Variants in SPEF2 observed in about 807,000 individuals in gnomAD.
SPEF2 encodes sperm flagella and cilia-associated protein 2.
Under a neutral mutation model 224.6 loss-of-function variants are expected in SPEF2, and 187 were observed. The ratio of observed to expected loss-of-function variants is 0.83; its 90% CI spans 0.74 to 0.94. The LOEUF is 0.94. SPEF2 is among the 40% of genes least tolerant of loss of function. The probability of loss-of-function intolerance (pLI) is 0.00; values close to 1 mark genes in which losing one functional copy is unlikely to be tolerated. For synonymous variants in SPEF2, 715 were observed against 707.3 expected (o/e 1.01, Z -0.17); for missense variants, 2,170 against 2,135.6 (o/e 1.02, Z -0.32).
At chr5:35,759,471 A>T in intron 24 of SPEF2, 97 bp from the exon 25 acceptor site, 2 of 1,078,158 alleles carry the variant, frequency 1.9e-6, no homozygotes, top group Middle Eastern at 2.3e-4. Context: ...TTCAATCTAA[A>T]TGTTTTCAAA....
At chr5:35,792,491 A>T in intron 31 of SPEF2, 45 bp downstream of exon 31, 1 of 1,477,868 alleles carries the variant, frequency 6.8e-7, no homozygotes, top group Non-Finnish European at 9.4e-7. Context: ...AAGCATTCTT[A>T]TTTGATCAAT....
At position 35,691,053 on chromosome 5, in the gene SPEF2, G is replaced by A. The variant is rs1035391945; in HGVS notation, c.1541G>A (p.Trp514Ter). 2 of 1,613,458 alleles carry A rather than the reference G, an allele frequency of 1.2e-6. No homozygotes were observed. The highest frequency in any genetic ancestry group is 2.7e-5 in the African/African-American group (2 of 74,846). Residue 514 changes from tryptophan to a stop codon, truncating the protein, a stop_gained, in exon 11 of 37, where the codon TGG (tryptophan) becomes TAG (stop). Coordinates refer to ENST00000356031, the MANE Select transcript of SPEF2 (RefSeq NM_024867.4). LOFTEE classifies it high-confidence loss of function. ...TTTTTACAGAACATGGTTGGAGAGT[G>A]GGCCTTACCAGAAGAAATGGTTGAC... ...YEEYKNMVGE[W>*]ALPEEMVDNL...
chr5:35,772,470 G>C (rs1224329788), intron 27 of SPEF2, among the ~76,000 whole-genome samples: 2 of 152,158 alleles, frequency 1.3e-5, no homozygotes, highest in Admixed American at 6.5e-5. Context: ...TTGCAGTAGA[G>C]AGAGACATGT....
Position 35,753,618 on chromosome 5 carries a change from G to C in SPEF2, c.3331-6G>C. 6.2e-7 allele frequency: 1 copy of C among 1,613,928 alleles called. No homozygotes were observed. The highest frequency in any genetic ancestry group is 1.7e-5 in the Admixed American group (1 of 59,994). ...CATAGCCACCATGCCTGTTTTTTCT[G>C]TTCAGGATCTGCGAGACCGCCTGTG... On this transcript the variant is annotated splice_region_variant and splice_polypyrimidine_tract_variant and intron_variant, in intron 23 of 36. Coordinates refer to ENST00000356031, the MANE Select transcript of SPEF2 (RefSeq NM_024867.4).
chr5:35,624,095 T>C (rs1340070617), intron 1 of SPEF2, among the ~76,000 whole-genome samples: 1 of 152,204 alleles, frequency 6.6e-6, no homozygotes, highest in African/African-American at 2.4e-5. Context: ...CTTTCTGTGC[T>C]TCCTCCAGCT....
At position 35,807,283 on chromosome 5, in the gene SPEF2, G is replaced by T. The variant is rs780755073; in HGVS notation, c.5379+30G>T. ...GTATTACCCCAAAGTGCTCTAATTT[G>T]GTTGGGCTCCAGTTCAGGACATGCT... is the stretch of plus-strand genomic sequence containing the variant. On this transcript the variant is annotated intron_variant, in intron 36 of 36. Transcript: ENST00000356031. 1.6e-5 allele frequency: 25 copies of T among 1,598,500 alleles called. No individual in the cohort carries two copies. The Admixed American group carries it at 3.7e-4, about 24-fold the overall frequency.
intron 34 of SPEF2, among the ~76,000 whole-genome samples, chr5:35,800,497 T>C (rs568734028): frequency 8.3e-4 from 126 of 152,346 alleles, no homozygotes; most frequent in African/African-American, 2.8e-3. Context: ...GTGTAGAAAC[T>C]GTAGATGAAA....
intron 23 of SPEF2, among the ~76,000 whole-genome samples, chr5:35,745,125 T>A (rs1748280892): frequency 1.3e-5 from 2 of 152,172 alleles, no homozygotes; most frequent in Admixed American, 1.3e-4. Flanking sequence ...TTTAGAGAGC[T>A]GAGCGAAATA....
chr5:35,654,793 C>A, intron 7 of SPEF2, 67 bp downstream of exon 7: 1 of 1,378,610 alleles, frequency 7.3e-7, no homozygotes, highest in Non-Finnish European at 9.8e-7. Flanking sequence ...CTTCTATACA[C>A]ATAATATGTA....
At position 35,634,914 on chromosome 5, in the gene SPEF2, G is replaced by A. The variant is rs536604692; in HGVS notation, c.161+6352G>A. 7.3e-5 allele frequency among the ~76,000 whole-genome samples: 11 copies of A among 151,274 alleles called. No individual in the cohort carries two copies. The South Asian group carries it at 1.7e-3, about 23-fold the overall frequency. On this transcript the variant is annotated intron_variant, in intron 2 of 36. Transcript: ENST00000356031. The stretch of plus-strand genomic sequence containing the variant: ...TTTTACTTAATGTCTTTCTTGTTCC[G>A]GGATCCCATCAAGCATATCATATTG...
At chr5:35,805,699 T>C (rs1757968525) in intron 34 of SPEF2, among the ~76,000 whole-genome samples, 1 of 152,120 alleles carries the variant, frequency 6.6e-6, no homozygotes, top group African/African-American at 2.4e-5. Context: ...GCAAAGGAAA[T>C]TGTCTATTCC....
chr5:35,760,094 G>A (rs566080238), intron 25 of SPEF2, among the ~76,000 whole-genome samples: 46 of 152,090 alleles, frequency 3.0e-4, no homozygotes, highest in Non-Finnish European at 5.4e-4. Context: ...AGGCGCGGTG[G>A]CTCACACCTG....
At chr5:35,739,848 T>C (rs1267680566) in intron 21 of SPEF2, 71 bp from the exon 22 acceptor site, 3 of 1,574,548 alleles carry the variant, frequency 1.9e-6, no homozygotes, top group South Asian at 1.2e-5. Context: ...CTTGGGACTG[T>C]TCTTTTGACA....
chr5:35,737,251 A>G (rs1487177755), intron 21 of SPEF2, among the ~76,000 whole-genome samples: 1 of 152,116 alleles, frequency 6.6e-6, no homozygotes, highest in Non-Finnish European at 1.5e-5. Flanking sequence ...TTTAGGGTAC[A>G]TATGCACAAT....
At chr5:35,691,303 C>A in intron 11 of SPEF2, 47 bp downstream of exon 11, 1 of 1,394,858 alleles carries the variant, frequency 7.2e-7, no homozygotes, top group Non-Finnish European at 1.0e-6. Context: ...CCTATTTACA[C>A]TGACTGTAGC....
chr5:35,670,023 C>A, intron 9 of SPEF2, 36 bp from the exon 10 acceptor site: 1 of 1,480,284 alleles, frequency 6.8e-7, no homozygotes, highest in Non-Finnish European at 9.2e-7. Context: ...ATTTGACTAA[C>A]CATTGATTCA....
At chr5:35,807,643 A>T in intron 36 of SPEF2, 1 of 1,535,926 alleles carries the variant, frequency 6.5e-7, no homozygotes, top group East Asian at 2.4e-5. Context: ...CGCAAGGTAC[A>T]CATCATCTAT....
intron 3 of SPEF2, 44 bp from the exon 4 acceptor site, chr5:35,644,311 C>T: frequency 7.0e-7 from 1 of 1,425,058 alleles, no homozygotes. Context: ...AAAATGTACT[C>T]TTTATTCTCT....
At chr5:35,806,286 G>A (rs1271151085) in intron 34 of SPEF2, among the ~76,000 whole-genome samples, 1 of 152,182 alleles carries the variant, frequency 6.6e-6, no homozygotes, top group Admixed American at 6.5e-5. Context: ...AGTGTCCAAA[G>A]AAATGTTTCT....
Sources: allele counts gnomAD v4.1 joint callset (sites outside exome capture counted in the v4.1 genomes callset), GRCh38; gene constraint gnomAD v4.1.1; transcripts MANE v1.5; gene names NCBI Gene and HGNC (gene_info 2026-07-23, HGNC 2026-07-21).